AUTS2: variants seen among roughly 807,000 people sequenced by gnomAD.
AUTS2 encodes autism susceptibility gene 2 protein.
A neutral mutation model predicts 112.4 loss-of-function variants in AUTS2; 17 were observed. The observed-to-expected ratio is 0.15, with a 90% CI of 0.10 to 0.23. The LOEUF is 0.23. Among genes scored for constraint, AUTS2 ranks in the 10% least tolerant of loss-of-function variants. The pLI is 1.00. For synonymous variants in AUTS2, 751 were observed against 702.7 expected (o/e 1.07, Z -1.09); for missense variants, 1,510 against 1,701.6 (o/e 0.89, Z 1.98).
At chr7:69,834,977 C>T (rs1353887029) in intron 1 of AUTS2, among the ~76,000 whole-genome samples, 1 of 151,890 alleles carries the variant, frequency 6.6e-6, no homozygotes, top group African/African-American at 2.4e-5. Context: ...GTACTCCATG[C>T]ATCTGCCGCC....
At chr7:69,747,673 C>T (rs1787551134) in intron 1 of AUTS2, among the ~76,000 whole-genome samples, 1 of 151,944 alleles carries the variant, frequency 6.6e-6, no homozygotes, top group Non-Finnish European at 1.5e-5. Context: ...TTGCCACCAC[C>T]GCATGAGCTG....
chr7:69,849,131 A>G (rs1050223704), intron 1 of AUTS2, among the ~76,000 whole-genome samples: 2 of 152,206 alleles, frequency 1.3e-5, no homozygotes, highest in Admixed American at 6.5e-5. Context: ...GCAGTGAGCT[A>G]TGATCATATG....
chr7:69,652,957 G>A (rs1446841216), intron 1 of AUTS2, among the ~76,000 whole-genome samples: 1 of 152,146 alleles, frequency 6.6e-6, no homozygotes, highest in South Asian at 2.1e-4. Context: ...TAAAAATGAG[G>A]TTCGTAGTGC....
rs866303926 is a variant in AUTS2 at position 70,163,348 on chromosome 7, G to A, written c.660+28777G>A. 1.4e-4 allele frequency among the ~76,000 whole-genome samples: 15 copies of A among 106,608 alleles called. 1 individual carries two copies. The highest frequency in any genetic ancestry group is 4.3e-4 in the African/African-American group (14 of 32,764). The allele number at this position is 106,608 out of a possible 152,430, so 69.9% of individuals were successfully genotyped here. A position where few individuals can be genotyped will look rare whatever the true frequency, so the allele number is the denominator to read the frequency against. On this transcript the variant is annotated intron_variant, in intron 4 of 18. Coordinates refer to ENST00000342771, the MANE Select transcript of AUTS2 (RefSeq NM_015570.4). ...ATGAGTGTTAGGTTGTGGTGGTGGG[G>A]GGGGGGGGGGCAGAGGGGGAGGGAG...
intron 16 of AUTS2, 138 bp from the exon 17 acceptor site, chr7:70,785,817 T>C (rs1297740884): frequency 1.6e-5 from 11 of 704,634 alleles, no homozygotes; most frequent in Non-Finnish European, 2.7e-5. Context: ...TTTTACACCA[T>C]CTGGTAGGAA....
At chr7:70,769,533 A>C (rs1022993479) in intron 10 of AUTS2, among the ~76,000 whole-genome samples, 1 of 152,066 alleles carries the variant, frequency 6.6e-6, no homozygotes, top group African/African-American at 2.4e-5. Flanking sequence ...AAAATACAAA[A>C]CATTAGCCGG....
At chr7:69,966,752 C>T (rs1053683964) in intron 2 of AUTS2, among the ~76,000 whole-genome samples, 2 of 152,130 alleles carry the variant, frequency 1.3e-5, no homozygotes, top group Non-Finnish European at 2.9e-5. Flanking sequence ...TGATTTCACC[C>T]CTTTCTCTCT....
chr7:69,608,738 A>G (rs1792868043), intron 1 of AUTS2, among the ~76,000 whole-genome samples: 1 of 152,208 alleles, frequency 6.6e-6, no homozygotes, highest in African/African-American at 2.4e-5. Context: ...TGGCAAAGAG[A>G]ATGAAGGTCC....
chr7:70,381,626 A>G (rs995209486), intron 4 of AUTS2, among the ~76,000 whole-genome samples: 11 of 152,216 alleles, frequency 7.2e-5, no homozygotes, highest in Admixed American at 2.6e-4. Flanking sequence ...TGGAGCCTCT[A>G]TGATCATTAA....
intron 1 of AUTS2, among the ~76,000 whole-genome samples, chr7:69,771,558 G>A (rs1178526052): frequency 2.6e-5 from 4 of 152,146 alleles, no homozygotes; most frequent in African/African-American, 9.6e-5. Context: ...TTGGTAGCAC[G>A]GAAGATGCAG....
At chr7:69,792,722 T>C (rs1354818267) in intron 1 of AUTS2, among the ~76,000 whole-genome samples, 1 of 152,098 alleles carries the variant, frequency 6.6e-6, no homozygotes, top group Non-Finnish European at 1.5e-5. Context: ...ACTGAGTATC[T>C]GAATTGCCTA....
intron 1 of AUTS2, among the ~76,000 whole-genome samples, chr7:69,689,373 C>T (rs1429072599): frequency 6.3e-4 from 66 of 105,184 alleles, no homozygotes; most frequent in Admixed American, 1.2e-3. Context: ...TTTTTTGAGA[C>T]GGAGTCTCTC....
intron 5 of AUTS2, among the ~76,000 whole-genome samples, chr7:70,571,458 A>C (rs756982192): frequency 2.6e-4 from 40 of 152,220 alleles, no homozygotes; most frequent in Non-Finnish European, 5.4e-4. Flanking sequence ...TTTTCATTTT[A>C]CCCTTGGAAA....
At chr7:69,788,134 TACCCC>T (rs1554371090) in intron 1 of AUTS2, among the ~76,000 whole-genome samples, 2 of 152,164 alleles carry the variant, frequency 1.3e-5, no homozygotes, top group Non-Finnish European at 2.9e-5. Flanking sequence ...ACTACTTTGT[TACCCC>T]ACCCCACCCC....
At chr7:70,594,394 AT>A (rs1457385105) in intron 5 of AUTS2, among the ~76,000 whole-genome samples, 1 of 152,062 alleles carries the variant, frequency 6.6e-6, no homozygotes, top group Non-Finnish European at 1.5e-5. Flanking sequence ...AATAATTTAC[AT>A]TTCTGACATC....
intron 5 of AUTS2, among the ~76,000 whole-genome samples, chr7:70,665,722 C>A (rs143319461): frequency 6.6e-6 from 1 of 152,038 alleles, no homozygotes; most frequent in Non-Finnish European, 1.5e-5. Context: ...CTTTTTAAAC[C>A]AAACTTGGAT....
At chr7:70,508,158 T>TTTG (rs1563003275) in intron 5 of AUTS2, among the ~76,000 whole-genome samples, 1 of 152,036 alleles carries the variant, frequency 6.6e-6, no homozygotes, top group Non-Finnish European at 1.5e-5. Flanking sequence ...AGGGCTTTTT[T>TTTG]TTGTTGTTGT....
At chr7:70,227,400 T>C (rs993747199) in intron 4 of AUTS2, among the ~76,000 whole-genome samples, 2 of 152,018 alleles carry the variant, frequency 1.3e-5, no homozygotes, top group Admixed American at 1.3e-4. Flanking sequence ...AATCTATCCA[T>C]GTTAAGCATA....
intron 4 of AUTS2, among the ~76,000 whole-genome samples, chr7:70,171,507 A>C (rs1183085114): frequency 6.6e-6 from 1 of 152,182 alleles, no homozygotes; most frequent in Non-Finnish European, 1.5e-5. Context: ...ACATCACATC[A>C]CTTACATTTC....
Sources: gnomAD v4.1 joint callset for allele counts (sites outside exome capture counted in the v4.1 genomes callset) on GRCh38, gnomAD v4.1.1 for gene constraint, MANE v1.5 for transcripts, NCBI Gene and HGNC (gene_info 2026-07-23, HGNC 2026-07-21) for gene names.